The following CLNK variants were observed in gnomAD, a reference collection of about 807,000 sequenced individuals.
The protein encoded by CLNK is cytokine dependent hematopoietic cell linker, also known as cytokine-dependent hematopoietic cell linker.
CLNK carries 74 observed loss-of-function variants against 68.6 expected under a neutral mutation model. The observed-to-expected ratio is 1.08, with a 90% CI of 0.89 to 1.31. The LOEUF is 1.31. Ranked by LOEUF, CLNK falls within the 50% of genes most tolerant of loss-of-function variation. The probability of loss-of-function intolerance (pLI) is 0.00; values close to 1 mark genes in which losing one functional copy is unlikely to be tolerated. For missense variants in CLNK, 553 were observed against 515.3 expected, an observed-to-expected ratio of 1.07 and a Z score of -0.71; for synonymous variants, 198 against 172.2, an observed-to-expected ratio of 1.15 and a Z score of -1.17.
At position 10,567,785 on chromosome 4, in the gene CLNK, A is replaced by G. The variant is rs989415991; in HGVS notation, c.151-1635T>C. ...AAGGATATGAATGGATGTTTCTTCA[A>G]AGAAGATATGCAAACCATCAATAAT... is the stretch of plus-strand genomic sequence containing the variant. On this transcript the variant is annotated intron_variant, in intron 5 of 18. Coordinates refer to ENST00000226951, the MANE Select transcript of CLNK (RefSeq NM_052964.4). Among the ~76,000 whole-genome samples, 7 of 152,354 alleles carry G rather than the reference A, an allele frequency of 4.6e-5. No homozygotes were observed. The East Asian group carries it at 9.6e-4, about 21-fold the overall frequency.
the CLNK span, among the ~76,000 whole-genome samples, chr4:10,707,526 A>T: frequency 1.3e-5 from 2 of 152,232 alleles, no homozygotes; most frequent in Non-Finnish European, 1.5e-5. Context: ...TTTTAGGCTG[A>T]ACCAATGTAT....
At chr4:10,696,831 C>G in the CLNK span, among the ~76,000 whole-genome samples, 1 of 152,110 alleles carries the variant, frequency 6.6e-6, no homozygotes, top group Non-Finnish European at 1.5e-5. Flanking sequence ...AGGCAAGCTC[C>G]CTCTAAGATT....
intron 17 of CLNK, among the ~76,000 whole-genome samples, chr4:10,504,032 C>T (rs1717173740): frequency 6.6e-6 from 1 of 151,414 alleles, no homozygotes; most frequent in Admixed American, 6.6e-5. Context: ...CTGTCCACCT[C>T]AGCCGCCCGA....
intron 8 of CLNK, among the ~76,000 whole-genome samples, chr4:10,550,527 C>T (rs1719406629): frequency 6.6e-6 from 1 of 151,934 alleles, no homozygotes; most frequent in African/African-American, 2.4e-5. Context: ...ATTACATAAA[C>T]ATACACTTAA....
At chr4:10,501,164 G>A (rs1162243673) in intron 18 of CLNK, 92 bp downstream of exon 18, 12 of 1,273,144 alleles carry the variant, frequency 9.4e-6, no homozygotes, top group East Asian at 2.5e-5. Flanking sequence ...CCTTCAGGGC[G>A]GCATCCTCTT....
intron 2 of CLNK, among the ~76,000 whole-genome samples, chr4:10,611,160 A>C (rs1722000491): frequency 6.6e-6 from 1 of 152,238 alleles, no homozygotes; most frequent in South Asian, 2.1e-4. Flanking sequence ...TCTACTAAAA[A>C]TACAAAAATT....
intron 8 of CLNK, among the ~76,000 whole-genome samples, chr4:10,545,907 C>T (rs113630229): frequency 0.033 from 4,999 of 152,200 alleles, 233 homozygotes; most frequent in African/African-American, 0.1. Flanking sequence ...TTGCTTGAGC[C>T]GGGCAGCCAT....
At chr4:10,689,665 C>T (rs755910329), upstream of CLNK, among the ~76,000 whole-genome samples, 2 of 150,018 alleles carry the variant, frequency 1.3e-5, no homozygotes, top group African/African-American at 4.9e-5. Context: ...CTATTGAACA[C>T]AACCAAAGAA....
At chr4:10,664,422 G>A (rs4352469) in intron 2 of CLNK, among the ~76,000 whole-genome samples, 121,990 of 152,104 alleles carry the variant, frequency 0.8, 49,072 homozygotes, top group Admixed American at 0.83. Flanking sequence ...ACAGCAAAAG[G>A]AAAACCTCTG....
intron 2 of CLNK, among the ~76,000 whole-genome samples, chr4:10,642,182 T>C (rs1026713979): frequency 6.6e-6 from 1 of 152,178 alleles, no homozygotes; most frequent in African/African-American, 2.4e-5. Context: ...TGGACATACA[T>C]AGCATCCTTT....
At chr4:10,629,735 G>A (rs1019302718) in intron 2 of CLNK, among the ~76,000 whole-genome samples, 3 of 151,878 alleles carry the variant, frequency 2.0e-5, no homozygotes, top group African/African-American at 7.3e-5. Context: ...GAGTTTGGGG[G>A]GAAGGCAGTG....
At chr4:10,614,009 T>A (rs905966790) in intron 2 of CLNK, among the ~76,000 whole-genome samples, 4 of 152,240 alleles carry the variant, frequency 2.6e-5, no homozygotes, top group Non-Finnish European at 5.9e-5. Flanking sequence ...GCAACCACCA[T>A]ACCAACTGGA....
intron 2 of CLNK, among the ~76,000 whole-genome samples, chr4:10,667,416 A>AATT (rs1553865026): frequency 6.0e-5 from 6 of 99,982 alleles, no homozygotes; most frequent in Admixed American, 9.9e-5. Flanking sequence ...CAGGGATGGC[A>AATT]TTTTTTTTTT....
chr4:10,677,516 T>C (rs1724920897), intron 1 of CLNK, among the ~76,000 whole-genome samples: 1 of 152,008 alleles, frequency 6.6e-6, no homozygotes, highest in Non-Finnish European at 1.5e-5. Context: ...CTCATCTCGA[T>C]TTGTAATCCC....
chr4:10,699,293 C>CGTGTGT, the CLNK span, among the ~76,000 whole-genome samples: 4 of 15,664 alleles, frequency 2.6e-4, 1 homozygote, highest in East Asian at 1.7e-3. Context: ...TACGTGTATA[C>CGTGTGT]ACACACACAC....
chr4:10,502,799 T>C (rs1449369094), intron 17 of CLNK, among the ~76,000 whole-genome samples: 3 of 151,638 alleles, frequency 2.0e-5, no homozygotes, highest in African/African-American at 7.3e-5. Flanking sequence ...TGAGGGCCAG[T>C]ATAGGGCAAG....
At chr4:10,501,138 C>T in intron 18 of CLNK, 118 bp downstream of exon 18, 1 of 1,046,708 alleles carries the variant, frequency 9.6e-7, no homozygotes, top group Non-Finnish European at 1.3e-6. Context: ...GTGGGGAGGT[C>T]AGACTGCATC....
At chr4:10,730,190 C>T in the CLNK span, among the ~76,000 whole-genome samples, 31 of 152,266 alleles carry the variant, frequency 2.0e-4, 1 homozygote, top group East Asian at 1.7e-3. Context: ...CCACCATCTG[C>T]GGCCACCCTG....
At chr4:10,670,926 C>A (rs1376616751) in intron 1 of CLNK, among the ~76,000 whole-genome samples, 1 of 152,142 alleles carries the variant, frequency 6.6e-6, no homozygotes, top group Non-Finnish European at 1.5e-5. Flanking sequence ...TATATGTAAA[C>A]CTCTGTATAT....
Sources: allele counts gnomAD v4.1 joint callset (sites outside exome capture counted in the v4.1 genomes callset), GRCh38; gene constraint gnomAD v4.1.1; transcripts MANE v1.5; gene names NCBI Gene and HGNC (gene_info 2026-07-23, HGNC 2026-07-21).